Variants in TMEM87A observed in about 807,000 individuals in gnomAD.
TMEM87A encodes the protein Golgi-pH regulating cation channel.
In TMEM87A, 50 loss-of-function variants were observed where a neutral mutation model predicts 90.0. That is an observed-to-expected ratio of 0.56 (90% CI 0.44 to 0.70). The LOEUF (loss-of-function observed/expected upper bound fraction) is 0.70. TMEM87A is among the 30% of genes least tolerant of loss of function. TMEM87A has a pLI of 0.00. For missense variants in TMEM87A, 577 were observed against 660.5 expected, an observed-to-expected ratio of 0.87 and a Z score of 1.39; for synonymous variants, 226 against 226.7, an observed-to-expected ratio of 1.00 and a Z score of 0.03.
intron 14 of TMEM87A, 61 bp from the exon 15 acceptor site, chr15:42,226,970 G>A: frequency 6.7e-7 from 1 of 1,503,614 alleles, no homozygotes; most frequent in Non-Finnish European, 9.2e-7. Flanking sequence ...TGTTCATAAA[G>A]CCTTTGGCAT....
rs11433755 is a variant in TMEM87A at position 42,211,138 on chromosome 15, C to CT, written c.*569dup. ...TCTGAATCATACTGTAACAGTTTCT[C>CT]TTTTTTTTTTTTTCTTTTGATCATT... On this transcript the variant is annotated 3_prime_UTR_variant, in exon 20 of 20. Transcript: ENST00000389834. The CT allele has an allele frequency of 0.86, 125,349 of 145,324 alleles. 54,902 individuals are homozygous for CT. The highest frequency in any genetic ancestry group is 0.96 in the Middle Eastern group (272 of 284). The allele number at this position is 145,324 out of a possible 1,614,324, so 9.0% of individuals were successfully genotyped here. A position where few individuals can be genotyped will look rare whatever the true frequency, so the allele number is the denominator to read the frequency against.
intron 6 of TMEM87A, among the ~76,000 whole-genome samples, chr15:42,253,234 G>A (rs116231891): frequency 0.013 from 2,001 of 152,170 alleles, 52 homozygotes; most frequent in African/African-American, 0.047. Context: ...GAAAGCTTAG[G>A]GTCATCTAAG....
intron 15 of TMEM87A, among the ~76,000 whole-genome samples, chr15:42,226,202 G>A (rs962044047): frequency 5.3e-5 from 8 of 151,840 alleles, no homozygotes; most frequent in Non-Finnish European, 8.8e-5. Context: ...GTTCCGCCAC[G>A]GTGGTCAGGC....
intron 6 of TMEM87A, among the ~76,000 whole-genome samples, chr15:42,260,323 A>G (rs1333664927): frequency 6.6e-6 from 1 of 152,206 alleles, no homozygotes; most frequent in African/African-American, 2.4e-5. Flanking sequence ...GCAGGGAGCC[A>G]TCTTCATACC....
intron 3 of TMEM87A, among the ~76,000 whole-genome samples, chr15:42,265,710 C>T (rs1225055022): frequency 6.6e-6 from 1 of 152,148 alleles, no homozygotes; most frequent in Non-Finnish European, 1.5e-5. Flanking sequence ...TAATTAGATC[C>T]CATTTGTCAA....
In TMEM87A at chr15:42,255,208, G is replaced by A. The variant is rs371699259; in HGVS notation, c.504+5750C>T. On this transcript the variant is annotated intron_variant, in intron 6 of 19. Coordinates refer to ENST00000389834, the MANE Select transcript of TMEM87A (RefSeq NM_015497.5). ...GAATGCAATGGCACGATCTTGGCTC[G>A]CCGCTACCTCCACCTCCCAGGTTCA... Among the ~76,000 whole-genome samples the A allele has an allele frequency of 2.2e-3, 339 of 151,786 alleles. 4 individuals carry two copies. Among genetic ancestry groups the A allele is most frequent in the Non-Finnish European group, 1.6e-3 (110 of 67,876 alleles).
chr15:42,224,041 G>GA (rs2050544894), intron 15 of TMEM87A, among the ~76,000 whole-genome samples: 1 of 152,196 alleles, frequency 6.6e-6, no homozygotes, highest in East Asian at 1.9e-4. Flanking sequence ...TGTGTAGTGA[G>GA]AACCTAACCT....
chr15:42,251,186 A>G (rs1331421091), intron 6 of TMEM87A, among the ~76,000 whole-genome samples: 2 of 152,128 alleles, frequency 1.3e-5, no homozygotes, highest in Admixed American at 1.3e-4. Context: ...GGGTTTGAAC[A>G]TCCTCCTTTA....
chr15:42,226,094 G>A (rs2050586200), intron 15 of TMEM87A, among the ~76,000 whole-genome samples: 1 of 152,062 alleles, frequency 6.6e-6, no homozygotes, highest in African/African-American at 2.4e-5. Flanking sequence ...CTGCCTCCCA[G>A]GTTCAAGCGA....
intron 13 of TMEM87A, 102 bp from the exon 14 acceptor site, chr15:42,227,871 C>A (rs531746722): frequency 3.2e-6 from 3 of 931,730 alleles, no homozygotes; most frequent in South Asian, 1.4e-5. Context: ...CACCCCGAAC[C>A]CCCAAATACA....
At chr15:42,226,663 G>T in intron 15 of TMEM87A, 143 bp downstream of exon 15, 1 of 707,726 alleles carries the variant, frequency 1.4e-6, no homozygotes, top group Non-Finnish European at 2.4e-6. Flanking sequence ...GGAGAGCTGA[G>T]ATAGGAACCC....
chr15:42,248,744 C>CT (rs899349660), intron 6 of TMEM87A, among the ~76,000 whole-genome samples: 17 of 151,956 alleles, frequency 1.1e-4, no homozygotes, highest in African/African-American at 3.1e-4. Flanking sequence ...CTAAAATTCT[C>CT]TTTTTTTTGT....
At chr15:42,216,230 G>A (rs1418320843) in intron 19 of TMEM87A, among the ~76,000 whole-genome samples, 1 of 152,102 alleles carries the variant, frequency 6.6e-6, no homozygotes, top group Non-Finnish European at 1.5e-5. Flanking sequence ...GCTGAGGGAG[G>A]GGGAAAGCAA....
intron 2 of TMEM87A, among the ~76,000 whole-genome samples, chr15:42,270,168 G>C (rs1025958397): frequency 6.6e-6 from 1 of 151,982 alleles, no homozygotes; most frequent in African/African-American, 2.4e-5. Context: ...TCGGGAGTTC[G>C]AGACCAGCCT....
At chr15:42,263,351 A>G (rs941643129) in intron 4 of TMEM87A, among the ~76,000 whole-genome samples, 3 of 152,234 alleles carry the variant, frequency 2.0e-5, no homozygotes, top group Non-Finnish European at 2.9e-5. Context: ...AGAATAGTCA[A>G]ATTCATGGAA....
intron 2 of TMEM87A, among the ~76,000 whole-genome samples, chr15:42,271,812 T>C (rs2051532776): frequency 6.6e-6 from 1 of 150,598 alleles, no homozygotes; most frequent in African/African-American, 2.4e-5. Context: ...ATATACATTA[T>C]ATATACTAAT....
intron 6 of TMEM87A, among the ~76,000 whole-genome samples, chr15:42,248,159 T>C (rs1373656513): frequency 6.6e-6 from 1 of 152,218 alleles, no homozygotes; most frequent in Non-Finnish European, 1.5e-5. Flanking sequence ...CTGAAGTTGC[T>C]TATCAGCTTA....
At position 42,211,128 on chromosome 15, in the gene TMEM87A, AAC is replaced by A. The variant is rs2050277089; in HGVS notation, c.*578_*579del. 1 of 134,290 alleles carries A rather than the reference AAC, an allele frequency of 7.4e-6. No individual in the cohort carries two copies. The highest frequency in any genetic ancestry group is 2.7e-5 in the African/African-American group (1 of 37,464). The allele number at this position is 134,290 out of a possible 1,614,324, so 8.3% of individuals were successfully genotyped here. On this transcript the variant is annotated 3_prime_UTR_variant, in exon 20 of 20. Coordinates refer to ENST00000389834, the MANE Select transcript of TMEM87A (RefSeq NM_015497.5). ...TTTTAAATGATCTGAATCATACTGT[AAC>A]AGTTTCTCTTTTTTTTTTTTTCTTT...
intron 1 of TMEM87A, 58 bp downstream of exon 1, chr15:42,273,197 C>T (rs1566945741): frequency 6.2e-7 from 1 of 1,602,616 alleles, no homozygotes; most frequent in Non-Finnish European, 8.5e-7. Flanking sequence ...CCCCTTGGGC[C>T]GCCGTAGCCC....
Sources: gnomAD v4.1 joint callset for allele counts (sites outside exome capture counted in the v4.1 genomes callset) on GRCh38, gnomAD v4.1.1 for gene constraint, MANE v1.5 for transcripts, NCBI Gene and HGNC (gene_info 2026-07-23, HGNC 2026-07-21) for gene names.